Variants in SORBS3 observed in about 807,000 individuals in gnomAD.
The protein encoded by SORBS3 is sorbin and SH3 domain containing 3, also known as vinexin.
Under a neutral mutation model 98.0 loss-of-function variants are expected in SORBS3, and 69 were observed. The ratio of observed to expected loss-of-function variants is 0.70; its 90% confidence interval spans 0.58 to 0.86. The LOEUF (loss-of-function observed/expected upper bound fraction) is 0.86. SORBS3 is among the 40% of genes least tolerant of loss of function. SORBS3 has a pLI of 0.00. For missense variants in SORBS3, 954 were observed against 908.5 expected (o/e 1.05, Z -0.64); for synonymous variants, 394 against 355.4 (o/e 1.11, Z -1.22).
intron 1 of SORBS3, among the ~76,000 whole-genome samples, chr8:22,553,917 C>T (rs1840133870): frequency 6.6e-6 from 1 of 152,234 alleles, no homozygotes; most frequent in South Asian, 2.1e-4. Flanking sequence ...CGACGCTCCC[C>T]TTGGCCCTAT....
chr8:22,565,513 C>T, intron 11 of SORBS3, 159 bp downstream of exon 11: 1 of 607,498 alleles, frequency 1.6e-6, no homozygotes, highest in Non-Finnish European at 2.5e-6. Flanking sequence ...CTGGCGGGCT[C>T]GCTCCTCCAT....
rs1840156796 is a variant in SORBS3 at position 22,554,894 on chromosome 8, C to A, written c.134C>A (p.Thr45Asn). 4 of 1,613,354 alleles carry A rather than the reference C, an allele frequency of 2.5e-6. No homozygotes were observed. Among genetic ancestry groups the A allele is most frequent in the Non-Finnish European group, 3.4e-6 (4 of 1,179,808 alleles). ...VPVIRNGGSN[T>N]LNFQFHDPAP... ...GTGATCCGGAATGGTGGCTCCAACA[C>A]CCTTAATTTCCAGTTCCACGACCCC... Residue 45 changes from threonine to asparagine, a missense_variant, in exon 3 of 21, where the codon ACC (threonine) becomes AAC (asparagine). Physicochemically the swap from Thr to Asn is moderately conservative, Grantham distance 65. Coordinates refer to ENST00000240123, the MANE Select transcript of SORBS3 (RefSeq NM_005775.5). The surrounding 1 kb of genome is among the most constrained non-coding windows in gnomAD (Gnocchi z 6.5).
At chr8:22,565,602 C>T (rs939573303) in intron 11 of SORBS3, 2 of 817,054 alleles carry the variant, frequency 2.4e-6, no homozygotes, top group African/African-American at 1.8e-5. Flanking sequence ...GCCCGACGAC[C>T]GGGCGCCCGC....
At chr8:22,565,600 A>T (rs537892767) in intron 11 of SORBS3, 2 of 790,666 alleles carry the variant, frequency 2.5e-6, no homozygotes, top group Non-Finnish European at 3.4e-6. Context: ...CAGCCCGACG[A>T]CCGGGCGCCC....
intron 20 of SORBS3, chr8:22,573,227 A>G (rs1427264347): frequency 2.3e-6 from 1 of 430,102 alleles, no homozygotes; most frequent in Non-Finnish European, 4.7e-6. Flanking sequence ...AATGGCCCCT[A>G]CCTTCTAGTG....
chr8:22,553,079 G>A (rs1035042088), intron 1 of SORBS3, among the ~76,000 whole-genome samples: 2 of 152,182 alleles, frequency 1.3e-5, no homozygotes, highest in South Asian at 2.1e-4. Context: ...CTGGGTCCAG[G>A]GGCTGAGTCA....
In SORBS3 at chr8:22,562,899, G is replaced by A. The variant is rs188232780; in HGVS notation, c.584+968G>A. On this transcript the variant is annotated intron_variant, in intron 7 of 20. Coordinates refer to ENST00000240123, the MANE Select transcript of SORBS3 (RefSeq NM_005775.5). ...TTGGAGGCTGAGGCGGGCGGATCAC[G>A]AGGTCAGGAGATCGAGACCATCCTG... Among the ~76,000 whole-genome samples, 574 of 152,266 alleles carry A rather than the reference G, an allele frequency of 3.8e-3. 2 individuals carry two copies. Among genetic ancestry groups the A allele is most frequent in the African/African-American group, 0.013 (555 of 41,560 alleles).
At chr8:22,564,865 A>C in intron 10 of SORBS3, 1 of 1,132,358 alleles carries the variant, frequency 8.8e-7, no homozygotes, top group Non-Finnish European at 1.1e-6. Flanking sequence ...GGCAGGAAGC[A>C]GCGTGGGGGT....
chr8:22,557,557 G>A (rs1840208082), intron 4 of SORBS3, among the ~76,000 whole-genome samples: 2 of 152,156 alleles, frequency 1.3e-5, no homozygotes. Flanking sequence ...TGTAATCCCA[G>A]CACTTTGGGA....
At chr8:22,567,006 G>A in intron 15 of SORBS3, 55 bp from the exon 16 acceptor site, 1 of 1,566,208 alleles carries the variant, frequency 6.4e-7, no homozygotes, top group Non-Finnish European at 8.8e-7. Context: ...GGTCTGAAGG[G>A]AAGGAGGCTT....
intron 7 of SORBS3, among the ~76,000 whole-genome samples, chr8:22,562,243 T>C (rs538735276): frequency 3.9e-5 from 6 of 152,224 alleles, no homozygotes; most frequent in African/African-American, 1.2e-4. Context: ...CCACCGGTCT[T>C]ATGAGACCGG....
At chr8:22,567,631 T>C (rs1840460720) in intron 16 of SORBS3, among the ~76,000 whole-genome samples, 1 of 152,210 alleles carries the variant, frequency 6.6e-6, no homozygotes, top group Non-Finnish European at 1.5e-5. Flanking sequence ...CAAGGTTCAG[T>C]GAAAAGTTAT....
upstream of SORBS3, among the ~76,000 whole-genome samples, chr8:22,548,133 T>C (rs1476727098): frequency 6.6e-6 from 1 of 152,186 alleles, no homozygotes; most frequent in Non-Finnish European, 1.5e-5. Context: ...CACTCTACAG[T>C]GACTCTACCA....
intron 14 of SORBS3, 37 bp from the exon 15 acceptor site, chr8:22,566,776 CACCCGCCCA>C (rs1261811458): frequency 6.2e-7 from 1 of 1,613,590 alleles, no homozygotes; most frequent in East Asian, 2.2e-5. Context: ...CTGGATCTGC[CACCCGCCCA>C]ACTGAGAGAG....
chr8:22,570,968 C>A lies in SORBS3; in HGVS notation c.1490C>A (p.Thr497Lys), dbSNP rs1042357269. The A allele has an allele frequency of 1.2e-6, 2 of 1,613,350 alleles. No individual in the cohort carries two copies. Among genetic ancestry groups the A allele is most frequent in the Non-Finnish European group, 1.7e-6 (2 of 1,179,642 alleles). Residue 497 changes from threonine (T) to lysine (K), a missense_variant, in exon 18 of 21, where the codon ACG becomes AAG. By Grantham distance (78) the Thr-to-Lys change is moderately conservative. Transcript: ENST00000240123. Reference protein sequence around the residue: ...VNENWYEGRITGTGRQGIFPA... With the variant: ...VNENWYEGRIKGTGRQGIFPA... ...GAGAACTGGTACGAGGGACGCATCACGGGCACGGGGCGCCAAGGCATATTC... is the reference window on the plus strand; with the variant it reads ...GAGAACTGGTACGAGGGACGCATCAAGGGCACGGGGCGCCAAGGCATATTC...
intron 12 of SORBS3, 110 bp downstream of exon 12, chr8:22,565,982 A>G: frequency 2.6e-6 from 2 of 754,858 alleles, no homozygotes; most frequent in Non-Finnish European, 3.6e-6. Context: ...CAGCCGGGGG[A>G]GGAAGGAACC....
rs747087821 is a variant in SORBS3, at chr8:22,556,812, G to A, written c.318G>A (p.Thr106=). The stretch of plus-strand genomic sequence containing the variant: ...AGCACACCCAGAACTGGTCAGCCAC[G>A]TGGACCAAGGACAGCAAGCGTCGGG... ...ASQHTQNWSA[T]WTKDSKRRDK... Residue 106 remains threonine (T), a synonymous_variant, in exon 4 of 21, where the codon ACG becomes ACA. Coordinates refer to ENST00000240123, the MANE Select transcript of SORBS3 (RefSeq NM_005775.5). 19 of 1,613,652 alleles carry A rather than the reference G, an allele frequency of 1.2e-5. No homozygotes were observed. The highest frequency in any genetic ancestry group is 2.2e-5 in the East Asian group (1 of 44,904).
chr8:22,565,647 C>CCCG, intron 11 of SORBS3, 179 bp from the exon 12 acceptor site: 1 of 1,176,384 alleles, frequency 8.5e-7, no homozygotes, highest in East Asian at 3.5e-5. Flanking sequence ...CTCGGGGACC[C>CCCG]CCGCCCCTTC....
intron 6 of SORBS3, 80 bp from the exon 7 acceptor site, chr8:22,561,785 A>C: frequency 7.7e-7 from 1 of 1,294,748 alleles, no homozygotes; most frequent in Non-Finnish European, 1.1e-6. Context: ...AACTCTAAAT[A>C]ATCACCCAGG....
Sources: allele counts gnomAD v4.1 joint callset (sites outside exome capture counted in the v4.1 genomes callset), GRCh38; gene constraint gnomAD v4.1.1; non-coding constraint Gnocchi (gnomAD v3.1); transcripts MANE v1.5; gene names NCBI Gene and HGNC (gene_info 2026-07-23, HGNC 2026-07-21).